Variants in MCM3AP observed in about 807,000 individuals in gnomAD.
MCM3AP encodes the protein germinal-center associated nuclear protein.
In MCM3AP, 126 loss-of-function variants were observed where a neutral mutation model predicts 184.1. That is an observed-to-expected ratio of 0.68 (90% confidence interval 0.59 to 0.79). The LOEUF is 0.79. MCM3AP is among the 30% of genes least tolerant of loss of function. MCM3AP has a pLI of 0.00. For synonymous variants in MCM3AP, 1,002 were observed against 979.3 expected, an observed-to-expected ratio of 1.02 and a Z score of -0.43; for missense variants, 2,496 against 2,479.2, an observed-to-expected ratio of 1.01 and a Z score of -0.14.
chr21:46,241,040 GT>G (rs747709140), intron 25 of MCM3AP, 23 bp from the exon 26 acceptor site: 1 of 1,544,410 alleles, frequency 6.5e-7, no homozygotes, highest in Non-Finnish European at 8.9e-7. Context: ...GATTTGAAAT[GT>G]TTATGGTCAA....
At chr21:46,280,605 G>GA in intron 2 of MCM3AP, 30 bp from the exon 3 acceptor site, 3 of 1,469,704 alleles carry the variant, frequency 2.0e-6, no homozygotes, top group South Asian at 2.3e-5. Flanking sequence ...CGCCATGTGT[G>GA]AGTATATCAG....
In MCM3AP at chr21:46,284,902, G is replaced by C. The variant is rs777281792; in HGVS notation, c.385C>G (p.Gln129Glu). ...GAGTTCACTATTTCTCCAGCTTCTT[G>C]TCCAAAAGCAGAAGTGCTTGGGAAA... is the stretch of plus-strand genomic sequence containing the variant. ...GAFPSTSAFG[Q>E]EAGEIVNSGF... The change falls in exon 1 of 28, where the codon CAA becomes GAA. Residue 129 changes from glutamine (Q) to glutamate (E), a missense_variant. Physicochemically the swap from Gln to Glu is conservative, Grantham distance 29. Coordinates refer to ENST00000291688, the MANE Select transcript of MCM3AP (RefSeq NM_003906.5). 11 of 1,614,050 alleles carry C rather than the reference G, an allele frequency of 6.8e-6. No homozygotes were observed. The African/African-American group carries it at 8.0e-5, about 12-fold the overall frequency.
At chr21:46,242,722 G>T in intron 25 of MCM3AP, 80 bp downstream of exon 25, 1 of 1,440,652 alleles carries the variant, frequency 6.9e-7, no homozygotes, top group Non-Finnish European at 9.5e-7. Flanking sequence ...GATTTGGCAT[G>T]TAGGATGTTA....
rs370177123 is a variant in MCM3AP at position 46,272,956 on chromosome 21, A to C, written c.2197-127T>G. 1.3e-5 allele frequency: 12 copies of C among 929,972 alleles called. No individual in the cohort carries two copies. The African/African-American group carries it at 2.0e-4, about 15-fold the overall frequency. 57.6% of individuals were successfully genotyped at this position (929,972 alleles called of 1,614,324 possible). ...AAACAAAGCCCATGATGCACATTTT[A>C]ATAGGACTTTGTAGTGACTTAAATA... On this transcript the variant is annotated intron_variant, in intron 7 of 27. Transcript: ENST00000291688.
chr21:46,258,955 A>G lies in MCM3AP; in HGVS notation c.3718T>C (p.Cys1240Arg), dbSNP rs1331430269. 1 of 1,614,198 alleles carries G rather than the reference A, an allele frequency of 6.2e-7. No individual in the cohort carries two copies. The highest frequency in any genetic ancestry group is 1.7e-5 in the Admixed American group (1 of 60,000). ...KETLQELQCF[C>R]KYLQRWREAV... Reference sequence around the variant, plus strand: ...AGGACTCACCGCTGTAGATACTTGCAGAAGCACTGAAGCTCCTGGAGGGTC... The same window carrying G: ...AGGACTCACCGCTGTAGATACTTGCGGAAGCACTGAAGCTCCTGGAGGGTC... Residue 1240 changes from cysteine to arginine, a missense_variant, in exon 16 of 28, where the codon TGC becomes CGC. Coordinates refer to ENST00000291688, the MANE Select transcript of MCM3AP (RefSeq NM_003906.5).
chr21:46,244,566 T>G, intron 23 of MCM3AP: 2 of 561,956 alleles, frequency 3.6e-6, no homozygotes, highest in Non-Finnish European at 6.4e-6. Flanking sequence ...TGAACTCCCA[T>G]GGACTGCCTT....
Position 46,275,273 on chromosome 21 carries a change from G to A in MCM3AP, c.1911C>T (p.Cys637=). Reference sequence around the variant, plus strand: ...TCTCCTTCTCAGGACACATATCCAGGCAGGTGCCAACAAAAGTCCTCGCTT... The same window carrying A: ...TCTCCTTCTCAGGACACATATCCAGACAGGTGCCAACAAAAGTCCTCGCTT... ...LDKARTFVGT[C]LDMCPEKERY... Residue 637 remains cysteine, a synonymous_variant, in exon 6 of 28, where the codon TGC becomes TGT. Transcript: ENST00000291688. 2 of 1,614,106 alleles carry A rather than the reference G, an allele frequency of 1.2e-6. No homozygotes were observed. Among genetic ancestry groups the A allele is most frequent in the African/African-American group, 1.3e-5 (1 of 75,038 alleles).
chr21:46,243,611 G>C lies in MCM3AP; in HGVS notation c.5150C>G (p.Thr1717Ser), dbSNP rs1238173515. Reference sequence around the variant, plus strand: ...ACTCTTGCTCTTCCACCTACAGTAGGTTCTGTGGAGCAGGTTCTCCACCTG... The same window carrying C: ...ACTCTTGCTCTTCCACCTACAGTAGCTTCTGTGGAGCAGGTTCTCCACCTG... The part of the protein sequence containing the change: ...QSQVENLLHR[T>S]YCRWKSKSPS... The change falls in exon 24 of 28, where the codon ACC (threonine) becomes AGC (serine). Residue 1717 changes from threonine (T) to serine (S), a missense_variant. Coordinates refer to ENST00000291688, the MANE Select transcript of MCM3AP (RefSeq NM_003906.5). The C allele has an allele frequency of 6.2e-7, 1 of 1,614,238 alleles. No individual in the cohort carries two copies. The highest frequency in any genetic ancestry group is 2.2e-5 in the East Asian group (1 of 44,880).
intron 23 of MCM3AP, 91 bp from the exon 24 acceptor site, chr21:46,243,813 GAA>G: frequency 1.5e-6 from 2 of 1,304,280 alleles, no homozygotes; most frequent in Middle Eastern, 2.5e-4. Context: ...AGGCAACTGT[GAA>G]GTTGAGAAGT....
In MCM3AP at chr21:46,235,731, G is replaced by A. The variant is rs534153741; in HGVS notation, c.5785-305C>T. ...GAGCTTACTGCAGCCTCAAACTCCT[G>A]GGCTCAAGTGATCCTACCAGCTCAG... On this transcript the variant is annotated intron_variant, in intron 27 of 27. Transcript: ENST00000291688. 6.6e-5 allele frequency among the ~76,000 whole-genome samples: 10 copies of A among 152,222 alleles called. No individual in the cohort carries two copies. The South Asian group carries it at 2.1e-3, about 32-fold the overall frequency.
At chr21:46,279,438 C>T (rs560428086) in intron 4 of MCM3AP, among the ~76,000 whole-genome samples, 2 of 152,376 alleles carry the variant, frequency 1.3e-5, no homozygotes, top group South Asian at 2.1e-4. Flanking sequence ...CTACTACAAT[C>T]CTGTGAGGCA....
chr21:46,270,269 G>A (rs747919087), intron 9 of MCM3AP, 132 bp downstream of exon 9: 29 of 826,454 alleles, frequency 3.5e-5, no homozygotes, highest in Non-Finnish European at 5.0e-5. Context: ...TAACCCCTTC[G>A]TGGGGCTGCT....
At position 46,266,174 on chromosome 21, in the gene MCM3AP, G is replaced by T; in HGVS notation, c.2790-8C>A. 1 of 1,591,418 alleles carries T rather than the reference G, an allele frequency of 6.3e-7. No homozygotes were observed. The highest frequency in any genetic ancestry group is 1.2e-5 in the South Asian group (1 of 86,058). ...CGGTTCAGCTCCACACAGCTACCCA[G>T]ACCACAAAAGACCCCCGAGGGGTGT... On this transcript the variant is annotated splice_region_variant and splice_polypyrimidine_tract_variant and intron_variant, in intron 10 of 27. Transcript: ENST00000291688.
Position 46,265,424 on chromosome 21 carries a change from G to A in MCM3AP, c.3131C>T (p.Pro1044Leu). 1 of 1,614,072 alleles carries A rather than the reference G, an allele frequency of 6.2e-7. No individual in the cohort carries two copies. Among genetic ancestry groups the A allele is most frequent in the Non-Finnish European group, 8.5e-7 (1 of 1,179,952 alleles). The change falls in exon 12 of 28, where the codon CCT (proline) becomes CTT (leucine). Residue 1044 changes from proline (P) to leucine (L), a missense_variant. Around this residue, in one of 5 missense-constraint regions of MCM3AP, gnomAD observed 1,323 missense variants for 1,273.4 expected, o/e 1.04. Coordinates refer to ENST00000291688, the MANE Select transcript of MCM3AP (RefSeq NM_003906.5). ...AGACGGGGTCAGTGCCAGGACAGGA[G>A]GCAGAGGCACTGGTGAGGGCGCAGG... Reference protein sequence around the residue: ...PAPAPSPVPLPPVLALTPSVA... With the variant: ...PAPAPSPVPLLPVLALTPSVA...
Position 46,235,484 on chromosome 21 carries a change from C to G in MCM3AP, c.5785-58G>C, listed in dbSNP as rs183310469. The G allele has an allele frequency of 1.0e-3, 1,495 of 1,453,564 alleles. 5 individuals are homozygous for G. Among genetic ancestry groups the G allele is most frequent in the Middle Eastern group, 3.1e-3 (18 of 5,730 alleles). 90.0% of individuals were successfully genotyped at this position (1,453,564 alleles called of 1,614,324 possible). A position where few individuals can be genotyped will look rare whatever the true frequency, so the allele number is the denominator to read the frequency against. On this transcript the variant is annotated intron_variant, in intron 27 of 27. Coordinates refer to ENST00000291688, the MANE Select transcript of MCM3AP (RefSeq NM_003906.5). ...GGGATGTCAATAAACCACGACCTAT[C>G]TCTGGGAAGGTACTAGATCTGGATC...
At chr21:46,256,344 T>G (rs11700943) in intron 17 of MCM3AP, 1 of 163,316 alleles carries the variant, frequency 6.1e-6, no homozygotes, top group Non-Finnish European at 1.3e-5. Flanking sequence ...GGAGGTGGAG[T>G]CTGGAAGATG....
At chr21:46,253,541 G>A (rs568952542) in intron 19 of MCM3AP, 4 of 152,246 alleles carry the variant, frequency 2.6e-5, no homozygotes, top group East Asian at 1.9e-4. Context: ...GAGCTCTCAC[G>A]AGATCTGGTT....
At position 46,246,789 on chromosome 21, in the gene MCM3AP, T is replaced by C. The variant is rs948232395; in HGVS notation, c.4388A>G (p.Lys1463Arg). ...CTCTGCCATGTCCTCACTCTTCATT[T>C]TGGGGGGAAGCAGCAGCATGAGCCC... ...ASGLMLLLPP[K>R]MKSEDMAEED... The change falls in exon 21 of 28, where the codon AAA (lysine) becomes AGA (arginine). Residue 1463 changes from lysine (K) to arginine (R), a missense_variant. Coordinates refer to ENST00000291688, the MANE Select transcript of MCM3AP (RefSeq NM_003906.5). 1.9e-6 allele frequency: 3 copies of C among 1,614,188 alleles called. No homozygotes were observed. In the Admixed American group the frequency reaches 5.0e-5, roughly 27 times the overall value.
intron 16 of MCM3AP, among the ~76,000 whole-genome samples, chr21:46,257,253 C>T (rs1381567842): frequency 6.7e-6 from 1 of 148,800 alleles, no homozygotes. Context: ...GGCGGGCGGA[C>T]TGCCTGAGCT....
Sources: gnomAD v4.1 joint callset for allele counts (sites outside exome capture counted in the v4.1 genomes callset) on GRCh38, gnomAD v4.1.1 for gene constraint, gnomAD v4.1.1 regional missense constraint, MANE v1.5 for transcripts, NCBI Gene and HGNC (gene_info 2026-07-23, HGNC 2026-07-21) for gene names.